CSMD1: variants seen among roughly 807,000 people sequenced by gnomAD.
The protein encoded by CSMD1 is CUB and sushi domain-containing protein 1.
Under a neutral mutation model 417.5 loss-of-function variants are expected in CSMD1, and 213 were observed. The ratio of observed to expected loss-of-function variants is 0.51; its 90% CI spans 0.46 to 0.57. The LOEUF (loss-of-function observed/expected upper bound fraction) is 0.57, where lower values mean the gene tolerates loss of function less well. Among genes scored for constraint, CSMD1 ranks in the 20% least tolerant of loss-of-function variants. CSMD1 has a pLI of 0.00. For synonymous variants in CSMD1, 2,862 were observed against 1,736.8 expected (o/e 1.65, Z -16.11); for missense variants, 6,923 against 4,529.7 (o/e 1.53, Z -15.17).
chr8:3,351,655 C>T (rs984897138), intron 21 of CSMD1, among the ~76,000 whole-genome samples: 1 of 146,792 alleles, frequency 6.8e-6, no homozygotes, highest in African/African-American at 2.5e-5. Context: ...GGCTTGTTAA[C>T]TAGAAAAATT....
At chr8:3,018,714 C>G in intron 51 of CSMD1, 64 bp from the exon 52 acceptor site, 2 of 1,444,536 alleles carry the variant, frequency 1.4e-6, no homozygotes, top group Non-Finnish European at 9.4e-7. Context: ...GTGCTCCAAA[C>G]AAACAAACAA....
intron 3 of CSMD1, among the ~76,000 whole-genome samples, chr8:4,262,558 C>A (rs1160010419): frequency 6.6e-6 from 1 of 152,200 alleles, no homozygotes; most frequent in South Asian, 2.1e-4. Context: ...TTGAAATGCT[C>A]GGGACACACA....
chr8:3,380,151 C>A (rs1810545066), intron 18 of CSMD1, among the ~76,000 whole-genome samples: 2 of 152,196 alleles, frequency 1.3e-5, no homozygotes, highest in Admixed American at 6.5e-5. Flanking sequence ...CTCATCATCA[C>A]TGGTCATTAG....
At chr8:3,670,368 C>A (rs539346281) in intron 7 of CSMD1, among the ~76,000 whole-genome samples, 1 of 151,826 alleles carries the variant, frequency 6.6e-6, no homozygotes, top group East Asian at 1.9e-4. Context: ...GCTCTCCTTG[C>A]TCCTCAGTTT....
chr8:3,813,465 T>C (rs1052594333), intron 5 of CSMD1, among the ~76,000 whole-genome samples: 3 of 152,140 alleles, frequency 2.0e-5, no homozygotes, highest in African/African-American at 7.2e-5. Flanking sequence ...TATTTAGTAA[T>C]GTCGTATCTT....
chr8:4,710,934 G>C (rs1476932233), intron 1 of CSMD1, among the ~76,000 whole-genome samples: 2 of 151,864 alleles, frequency 1.3e-5, no homozygotes, highest in Admixed American at 6.6e-5. Flanking sequence ...AAACATAAAA[G>C]GACCATGCCC....
intron 23 of CSMD1, among the ~76,000 whole-genome samples, chr8:3,316,976 G>C (rs1451819584): frequency 6.6e-6 from 1 of 152,202 alleles, no homozygotes; most frequent in Non-Finnish European, 1.5e-5. Context: ...TGGATGTGGG[G>C]AGGGGATGAG....
intron 2 of CSMD1, among the ~76,000 whole-genome samples, chr8:4,464,309 G>T (rs345149): frequency 6.6e-6 from 1 of 152,162 alleles, no homozygotes; most frequent in South Asian, 2.1e-4. Context: ...ATGGACAGAC[G>T]CTCTTCAACT....
At chr8:3,159,084 C>T (rs924358399) in intron 38 of CSMD1, among the ~76,000 whole-genome samples, 4 of 152,066 alleles carry the variant, frequency 2.6e-5, no homozygotes, top group Non-Finnish European at 5.9e-5. Context: ...TTTGTGCTGC[C>T]GGCATTGACA....
intron 3 of CSMD1, among the ~76,000 whole-genome samples, chr8:4,392,565 A>C (rs568676742): frequency 6.6e-6 from 1 of 151,964 alleles, no homozygotes; most frequent in South Asian, 2.1e-4. Context: ...AAATATAAAA[A>C]CTTGTGTAAA....
At chr8:3,894,137 T>C (rs1807185462) in intron 5 of CSMD1, among the ~76,000 whole-genome samples, 1 of 152,196 alleles carries the variant, frequency 6.6e-6, no homozygotes, top group South Asian at 2.1e-4. Context: ...AATATTCTTT[T>C]TCCTTTGCAA....
intron 3 of CSMD1, among the ~76,000 whole-genome samples, chr8:4,324,948 G>A (rs1335048290): frequency 2.0e-5 from 3 of 152,110 alleles, no homozygotes; most frequent in South Asian, 2.1e-4. Context: ...GGAGGCAATT[G>A]TATTTGGAAA....
At chr8:4,234,560 T>C (rs1356275681) in intron 3 of CSMD1, among the ~76,000 whole-genome samples, 1 of 152,244 alleles carries the variant, frequency 6.6e-6, no homozygotes, top group East Asian at 1.9e-4. Context: ...GCCGTTCCTT[T>C]AGTACAATTC....
intron 5 of CSMD1, among the ~76,000 whole-genome samples, chr8:3,807,530 A>G (rs1800816174): frequency 6.6e-6 from 1 of 152,316 alleles, no homozygotes; most frequent in Admixed American, 6.5e-5. Context: ...TTCAACAGAT[A>G]CTAATGATAT....
At position 4,449,439 on chromosome 8, in the gene CSMD1, C is replaced by T. The variant is rs142061416; in HGVS notation, c.303-29374G>A. Reference sequence around the variant, plus strand: ...AGCCGTGTAGAAGTTCATATTTTTCCCCAATTTTTGTTGATAATTCAGTTA... The same window carrying T: ...AGCCGTGTAGAAGTTCATATTTTTCTCCAATTTTTGTTGATAATTCAGTTA... On this transcript the variant is annotated intron_variant, in intron 2 of 69. Coordinates refer to ENST00000635120, the MANE Select transcript of CSMD1 (RefSeq NM_033225.6). 4.8e-3 allele frequency among the ~76,000 whole-genome samples: 724 copies of T among 152,070 alleles called. 9 individuals carry two copies. The highest frequency in any genetic ancestry group is 0.017 in the African/African-American group (693 of 41,466).
At chr8:3,210,656 A>G (rs574489762) in intron 30 of CSMD1, among the ~76,000 whole-genome samples, 1 of 148,800 alleles carries the variant, frequency 6.7e-6, no homozygotes, top group Non-Finnish European at 1.5e-5. Context: ...CACTTTATAT[A>G]TAATTATACA....
chr8:3,713,460 C>T (rs767722892), intron 6 of CSMD1, among the ~76,000 whole-genome samples: 2 of 152,136 alleles, frequency 1.3e-5, no homozygotes, highest in Non-Finnish European at 2.9e-5. Flanking sequence ...CTCTGTAGCC[C>T]CTGGGAAAGC....
At chr8:4,775,459 T>C (rs1360719865) in intron 1 of CSMD1, among the ~76,000 whole-genome samples, 2 of 152,194 alleles carry the variant, frequency 1.3e-5, no homozygotes, top group Non-Finnish European at 2.9e-5. Context: ...TTGACTTCAA[T>C]TAGAAATTAA....
intron 7 of CSMD1, among the ~76,000 whole-genome samples, chr8:3,694,304 T>C (rs1366169333): frequency 6.6e-6 from 1 of 152,004 alleles, no homozygotes; most frequent in African/African-American, 2.4e-5. Flanking sequence ...AGACGTCGGC[T>C]TCCAGGAGCA....
Sources: allele counts gnomAD v4.1 joint callset (sites outside exome capture counted in the v4.1 genomes callset), GRCh38; gene constraint gnomAD v4.1.1; transcripts MANE v1.5; gene names NCBI Gene and HGNC (gene_info 2026-07-23, HGNC 2026-07-21).